Variants in NXPH2 observed in about 807,000 individuals in gnomAD.
NXPH2 encodes neurexophilin-2.
Under a neutral mutation model 19.8 loss-of-function variants are expected in NXPH2, and 5 were observed. That is an observed-to-expected ratio of 0.25 (90% confidence interval 0.13 to 0.53). NXPH2 has a LOEUF of 0.53. Among genes scored for constraint, NXPH2 ranks in the 20% least tolerant of loss-of-function variants. The pLI is 0.96. For missense variants in NXPH2, 289 were observed against 322.8 expected (o/e 0.90, Z 0.80); for synonymous variants, 154 against 127.4 (o/e 1.21, Z -1.41).
intron 1 of NXPH2, among the ~76,000 whole-genome samples, chr2:138,735,186 A>T (rs1427964215): frequency 1.3e-5 from 2 of 152,298 alleles, no homozygotes; most frequent in Middle Eastern, 3.4e-3. Flanking sequence ...TTCCATGAAT[A>T]TGAAACAGCT....
chr2:138,723,530 C>T (rs552901581), intron 1 of NXPH2, among the ~76,000 whole-genome samples: 84 of 152,318 alleles, frequency 5.5e-4, no homozygotes, highest in African/African-American at 2.0e-3. Flanking sequence ...TAAAGCCCTG[C>T]TTTCCCAAGT....
chr2:138,774,017 A>G (rs1034481908), intron 1 of NXPH2, among the ~76,000 whole-genome samples: 2 of 152,174 alleles, frequency 1.3e-5, no homozygotes, highest in African/African-American at 4.8e-5. Context: ...AACTCCTGAA[A>G]CCATTGCAGT....
intron 1 of NXPH2, among the ~76,000 whole-genome samples, chr2:138,726,314 G>C (rs751068738): frequency 6.6e-6 from 1 of 152,138 alleles, no homozygotes. Flanking sequence ...CAAAGTGCTG[G>C]GATTACAGGC....
At chr2:138,742,132 C>A (rs1184419052) in intron 1 of NXPH2, among the ~76,000 whole-genome samples, 11 of 152,144 alleles carry the variant, frequency 7.2e-5, no homozygotes, top group African/African-American at 2.7e-4. Flanking sequence ...AATAATGAGT[C>A]TTGGGCTCAG....
At chr2:138,777,321 A>G (rs1319412470) in intron 1 of NXPH2, among the ~76,000 whole-genome samples, 3 of 152,128 alleles carry the variant, frequency 2.0e-5, no homozygotes, top group African/African-American at 7.2e-5. Flanking sequence ...ATGTTGCTGA[A>G]TAAGAATTTT....
intron 1 of NXPH2, among the ~76,000 whole-genome samples, chr2:138,748,769 T>C (rs1681781259): frequency 6.6e-6 from 1 of 152,090 alleles, no homozygotes; most frequent in Admixed American, 6.6e-5. Flanking sequence ...TGGCACATTA[T>C]TGCAAAGCTA....
intron 1 of NXPH2, among the ~76,000 whole-genome samples, chr2:138,691,167 G>A (rs183411331): frequency 1.3e-5 from 2 of 152,214 alleles, no homozygotes; most frequent in Non-Finnish European, 1.5e-5. Flanking sequence ...TTATCAAGGT[G>A]AATGTCTCAC....
chr2:138,712,080 G>A (rs1681115261), intron 1 of NXPH2, among the ~76,000 whole-genome samples: 2 of 152,296 alleles, frequency 1.3e-5, no homozygotes, highest in East Asian at 3.9e-4. Context: ...TTAACTTTGA[G>A]CAGCACATCC....
At chr2:138,708,600 A>G (rs747591336) in intron 1 of NXPH2, among the ~76,000 whole-genome samples, 1 of 152,272 alleles carries the variant, frequency 6.6e-6, no homozygotes, top group African/African-American at 2.4e-5. Flanking sequence ...AAAGACAACA[A>G]ATGTCTTTTA....
At chr2:138,675,822 C>T (rs1048160263) in intron 1 of NXPH2, among the ~76,000 whole-genome samples, 1 of 151,818 alleles carries the variant, frequency 6.6e-6, no homozygotes, top group Non-Finnish European at 1.5e-5. Flanking sequence ...TTCAAAGAGC[C>T]CTTGATTTTA....
chr2:138,742,879 G>C (rs1681666104), intron 1 of NXPH2, among the ~76,000 whole-genome samples: 1 of 152,160 alleles, frequency 6.6e-6, no homozygotes, highest in African/African-American at 2.4e-5. Flanking sequence ...CATCACAATA[G>C]AGATATAGTC....
chr2:138,763,756 G>A (rs1488025009), intron 1 of NXPH2, among the ~76,000 whole-genome samples: 1 of 152,104 alleles, frequency 6.6e-6, no homozygotes, highest in African/African-American at 2.4e-5. Flanking sequence ...AAGGGGTTTC[G>A]AGCACACTTT....
rs572978364 is a variant in NXPH2 at position 138,718,598 on chromosome 2, G to A, written c.52-46933C>T. On this transcript the variant is annotated intron_variant, in intron 1 of 1. Coordinates refer to ENST00000272641, the MANE Select transcript of NXPH2 (RefSeq NM_007226.3). ...AAATATATTATGAGTCAGAAAGGTA[G>A]CAGCTGAATATGACTTGAAAAGGGA... Among the ~76,000 whole-genome samples, 71 of 152,254 alleles carry A rather than the reference G, an allele frequency of 4.7e-4. 4 individuals carry two copies. The South Asian group carries it at 0.014, about 31-fold the overall frequency.
At chr2:138,675,328 C>T (rs2104965396) in intron 1 of NXPH2, among the ~76,000 whole-genome samples, 1 of 152,224 alleles carries the variant, frequency 6.6e-6, no homozygotes. Flanking sequence ...TTTCTCCTCA[C>T]TTTCACATTA....
At chr2:138,677,957 C>G (rs1262714012) in intron 1 of NXPH2, among the ~76,000 whole-genome samples, 1 of 152,122 alleles carries the variant, frequency 6.6e-6, no homozygotes, top group Non-Finnish European at 1.5e-5. Context: ...ACTATTAAAC[C>G]AATATTGATA....
intron 1 of NXPH2, among the ~76,000 whole-genome samples, chr2:138,687,058 G>A (rs1573953954): frequency 6.6e-6 from 1 of 152,236 alleles, no homozygotes; most frequent in South Asian, 2.1e-4. Context: ...AATTTTTTGG[G>A]TATATACCCA....
At chr2:138,753,407 T>C (rs548871730) in intron 1 of NXPH2, among the ~76,000 whole-genome samples, 9 of 152,236 alleles carry the variant, frequency 5.9e-5, no homozygotes, top group African/African-American at 2.2e-4. Flanking sequence ...CCATGTTGTA[T>C]ATTTCCTGCC....
intron 1 of NXPH2, among the ~76,000 whole-genome samples, chr2:138,677,235 C>A (rs1286479361): frequency 6.6e-6 from 1 of 152,130 alleles, no homozygotes; most frequent in South Asian, 2.1e-4. Context: ...GTCTTTTCCC[C>A]CATCATATTA....
Position 138,771,581 on chromosome 2 carries a change from G to A in NXPH2, c.51+8610C>T, listed in dbSNP as rs764510376. Among the ~76,000 whole-genome samples the A allele has an allele frequency of 9.9e-5, 15 of 152,274 alleles. No individual in the cohort carries two copies. The South Asian group carries it at 1.0e-3, about 11-fold the overall frequency. On this transcript the variant is annotated intron_variant, in intron 1 of 1. Coordinates refer to ENST00000272641, the MANE Select transcript of NXPH2 (RefSeq NM_007226.3). ...GATTTAAAACAGAAGCACTTCCGGG[G>A]AAGCCTTGCTAAGGGAGCAGGGCAG... is the stretch of plus-strand genomic sequence containing the variant.
Sources: gnomAD v4.1 joint callset for allele counts (sites outside exome capture counted in the v4.1 genomes callset) on GRCh38, gnomAD v4.1.1 for gene constraint, MANE v1.5 for transcripts, NCBI Gene and HGNC (gene_info 2026-07-23, HGNC 2026-07-21) for gene names.